PDE4B: variants seen among roughly 807,000 people sequenced by gnomAD.
The protein encoded by PDE4B is 3',5'-cyclic-AMP phosphodiesterase 4B.
A neutral mutation model predicts 82.2 loss-of-function variants in PDE4B; 20 were observed. The observed-to-expected ratio is 0.24, with a 90% CI of 0.17 to 0.35. The LOEUF is 0.35. Among genes scored for constraint, PDE4B ranks in the 10% least tolerant of loss-of-function variants. PDE4B has a pLI of 1.00. For missense variants in PDE4B, 655 were observed against 907.2 expected, an observed-to-expected ratio of 0.72 and a Z score of 3.57; for synonymous variants, 320 against 318.9, an observed-to-expected ratio of 1.00 and a Z score of -0.04.
At chr1:66,131,710 A>G (rs1485013966) in intron 3 of PDE4B, among the ~76,000 whole-genome samples, 1 of 147,856 alleles carries the variant, frequency 6.8e-6, no homozygotes, top group Non-Finnish European at 1.5e-5. Context: ...TTCAATCAAC[A>G]ATATTTATTG....
intron 3 of PDE4B, among the ~76,000 whole-genome samples, chr1:66,071,309 A>G (rs543111744): frequency 2.2e-4 from 34 of 152,248 alleles, no homozygotes; most frequent in African/African-American, 8.2e-4. Context: ...AAGACAATAT[A>G]TCTGTAGTGG....
At chr1:66,087,907 T>C (rs946257122) in intron 3 of PDE4B, among the ~76,000 whole-genome samples, 13 of 148,514 alleles carry the variant, frequency 8.8e-5, no homozygotes, top group Admixed American at 2.7e-4. Flanking sequence ...TTGGGAGATA[T>C]ACCTAATGCT....
At chr1:65,983,904 T>C (rs910112222) in intron 3 of PDE4B, among the ~76,000 whole-genome samples, 1 of 152,186 alleles carries the variant, frequency 6.6e-6, no homozygotes, top group Middle Eastern at 3.2e-3. Flanking sequence ...AGTATAGTTA[T>C]TTAGGATGGA....
chr1:65,933,746 C>T (rs1280108178), intron 3 of PDE4B, among the ~76,000 whole-genome samples: 1 of 151,600 alleles, frequency 6.6e-6, no homozygotes, highest in South Asian at 2.1e-4. Context: ...CTTCAAGTTG[C>T]AACAAATGAC....
At chr1:65,944,058 C>T (rs530667658) in intron 3 of PDE4B, among the ~76,000 whole-genome samples, 2 of 152,014 alleles carry the variant, frequency 1.3e-5, no homozygotes, top group South Asian at 2.1e-4. Flanking sequence ...GCATCATTGT[C>T]GTGATTCATA....
At chr1:65,802,056 A>G (rs866000768) in intron 1 of PDE4B, among the ~76,000 whole-genome samples, 1 of 152,366 alleles carries the variant, frequency 6.6e-6, no homozygotes, top group Middle Eastern at 3.4e-3. Flanking sequence ...GCCGTGTGAT[A>G]AGAGAAAAAG....
chr1:66,131,048 A>T (rs978952554), intron 3 of PDE4B, among the ~76,000 whole-genome samples: 4 of 152,236 alleles, frequency 2.6e-5, no homozygotes, highest in Non-Finnish European at 5.9e-5. Flanking sequence ...AATGGGGTTC[A>T]AGGTTGGAAA....
At chr1:65,888,264 G>A (rs1373078282) in intron 1 of PDE4B, among the ~76,000 whole-genome samples, 1 of 152,006 alleles carries the variant, frequency 6.6e-6, no homozygotes, top group African/African-American at 2.4e-5. Context: ...TTGAAAATAC[G>A]TGAATTTATT....
chr1:65,810,642 C>CT (rs1645807759), intron 1 of PDE4B, among the ~76,000 whole-genome samples: 1 of 152,044 alleles, frequency 6.6e-6, no homozygotes, highest in Admixed American at 6.6e-5. Context: ...CAGATTAATA[C>CT]TTTTTTCAGC....
chr1:66,030,715 C>T (rs1193582857), intron 3 of PDE4B, among the ~76,000 whole-genome samples: 1 of 152,104 alleles, frequency 6.6e-6, no homozygotes, highest in African/African-American at 2.4e-5. Context: ...AACCTAGGAG[C>T]CCATCAGCAG....
At chr1:66,033,374 T>C (rs1033841673) in intron 3 of PDE4B, among the ~76,000 whole-genome samples, 1 of 152,168 alleles carries the variant, frequency 6.6e-6, no homozygotes, top group Non-Finnish European at 1.5e-5. Context: ...TCTTTCTTCT[T>C]ATAGACTCCC....
rs1051336470 is a variant in PDE4B at position 65,923,548 on chromosome 1, AT to A, written c.281+4715del. Reference sequence around the variant, plus strand: ...GATACTTACCAATGTTTTGGTTTTAATTCCTCCTCATATCTTAGAACCTCTG... The same window carrying A: ...GATACTTACCAATGTTTTGGTTTTAATCCTCCTCATATCTTAGAACCTCTG... On this transcript the variant is annotated intron_variant, in intron 3 of 16. Transcript: ENST00000341517. Among the ~76,000 whole-genome samples the A allele has an allele frequency of 7.9e-5, 12 of 152,222 alleles. No individual in the cohort carries two copies. The South Asian group carries it at 1.2e-3, about 16-fold the overall frequency.
In PDE4B at chr1:66,105,989, G is replaced by T. The variant is rs565042111; in HGVS notation, c.282-141471G>T. On this transcript the variant is annotated intron_variant, in intron 3 of 16. Transcript: ENST00000341517. ...TTCCAACACTATGTTGAATAGGAGT[G>T]GTGAGAGAGGGCATCCCTGTCTTGT... Among the ~76,000 whole-genome samples, 18 of 152,216 alleles carry T rather than the reference G, an allele frequency of 1.2e-4. No individual in the cohort carries two copies. In the South Asian group the frequency reaches 1.9e-3, roughly 16 times the overall value.
At chr1:65,935,053 A>C (rs1464805459) in intron 3 of PDE4B, among the ~76,000 whole-genome samples, 1 of 152,214 alleles carries the variant, frequency 6.6e-6, no homozygotes, top group Non-Finnish European at 1.5e-5. Context: ...TAGCTGCAGA[A>C]TATACATTCT....
chr1:65,822,970 G>A (rs768437056), intron 1 of PDE4B, among the ~76,000 whole-genome samples: 19 of 152,146 alleles, frequency 1.2e-4, no homozygotes, highest in Non-Finnish European at 1.8e-4. Flanking sequence ...AAGTGGTATC[G>A]CATACTGATT....
chr1:65,983,911 T>G (rs2100658341), intron 3 of PDE4B, among the ~76,000 whole-genome samples: 2 of 152,304 alleles, frequency 1.3e-5, no homozygotes, highest in African/African-American at 4.8e-5. Flanking sequence ...TTATTTAGGA[T>G]GGAAGAGAAA....
At chr1:66,331,971 T>G (rs1305082314) in intron 7 of PDE4B, 1 of 1,015,228 alleles carries the variant, frequency 9.9e-7, no homozygotes, top group Admixed American at 5.4e-5. Context: ...ATCCTCAGGA[T>G]GAATGACTGC....
intron 3 of PDE4B, among the ~76,000 whole-genome samples, chr1:65,974,197 A>G (rs565238966): frequency 6.6e-6 from 1 of 152,314 alleles, no homozygotes; most frequent in South Asian, 2.1e-4. Context: ...TTTCCTCCTT[A>G]CATGTGGCGA....
At chr1:66,204,488 G>T (rs1449585745) in intron 3 of PDE4B, among the ~76,000 whole-genome samples, 1 of 152,240 alleles carries the variant, frequency 6.6e-6, no homozygotes, top group Non-Finnish European at 1.5e-5. Context: ...AGCTGTGGTG[G>T]GCTCCACCCA....
Sources: allele counts gnomAD v4.1 joint callset (sites outside exome capture counted in the v4.1 genomes callset), GRCh38; gene constraint gnomAD v4.1.1; transcripts MANE v1.5; gene names NCBI Gene and HGNC (gene_info 2026-07-23, HGNC 2026-07-21).